NYAP2: variants seen among roughly 807,000 people sequenced by gnomAD.
NYAP2 encodes neuronal tyrosine-phosphorylated phosphoinositide-3-kinase adapter 2.
In NYAP2, 23 loss-of-function variants were observed where a neutral mutation model predicts 50.4. The observed-to-expected ratio is 0.46, with a 90% CI of 0.33 to 0.65. NYAP2 has a LOEUF of 0.65. NYAP2 is among the 30% of genes least tolerant of loss of function. NYAP2 has a pLI of 0.02. For missense variants in NYAP2, 885 were observed against 861.0 expected (o/e 1.03, Z -0.35); for synonymous variants, 394 against 365.2 (o/e 1.08, Z -0.90).
chr2:225,402,980 G>A (rs1295030682), intron 2 of NYAP2, among the ~76,000 whole-genome samples: 2 of 151,996 alleles, frequency 1.3e-5, no homozygotes, highest in African/African-American at 2.4e-5. Context: ...ATTTGCATAT[G>A]TATTTTACAT....
At chr2:225,480,207 G>A (rs1559191327) in intron 3 of NYAP2, among the ~76,000 whole-genome samples, 1 of 152,070 alleles carries the variant, frequency 6.6e-6, no homozygotes, top group Non-Finnish European at 1.5e-5. Flanking sequence ...ATTATTGAAT[G>A]TCTACTACAT....
intron 3 of NYAP2, among the ~76,000 whole-genome samples, chr2:225,426,153 A>T (rs968179413): frequency 6.7e-6 from 1 of 150,264 alleles, no homozygotes; most frequent in Admixed American, 6.6e-5. Flanking sequence ...TTTTTTTTTA[A>T]AAATTCTACT....
intron 3 of NYAP2, among the ~76,000 whole-genome samples, chr2:225,445,791 A>T (rs1689543295): frequency 6.6e-6 from 1 of 152,168 alleles, no homozygotes; most frequent in Non-Finnish European, 1.5e-5. Flanking sequence ...AGAAGAAATT[A>T]AATTCAAAAT....
chr2:225,522,963 T>C (rs1426759611), intron 4 of NYAP2, among the ~76,000 whole-genome samples: 2 of 152,164 alleles, frequency 1.3e-5, no homozygotes, highest in Non-Finnish European at 2.9e-5. Context: ...GAAGCCAGAA[T>C]TAGATTTTCT....
the NYAP2 span, among the ~76,000 whole-genome samples, chr2:225,665,451 G>C: frequency 1.3e-5 from 2 of 152,098 alleles, no homozygotes; most frequent in Middle Eastern, 6.8e-3. Context: ...TGTCCTGCTG[G>C]TCTTCTCAAT....
intron 3 of NYAP2, among the ~76,000 whole-genome samples, chr2:225,493,930 C>A (rs534037546): frequency 2.6e-4 from 39 of 152,238 alleles, no homozygotes; most frequent in South Asian, 6.2e-4. Flanking sequence ...TAAAAATATG[C>A]CCAATGACTT....
At chr2:225,578,291 G>A (rs1360849598) in intron 4 of NYAP2, among the ~76,000 whole-genome samples, 1 of 151,968 alleles carries the variant, frequency 6.6e-6, no homozygotes, top group Non-Finnish European at 1.5e-5. Flanking sequence ...AGGGGAAATT[G>A]CTTGAACTTT....
intron 3 of NYAP2, among the ~76,000 whole-genome samples, chr2:225,494,948 C>G (rs1186500688): frequency 6.6e-6 from 1 of 152,156 alleles, no homozygotes; most frequent in Non-Finnish European, 1.5e-5. Flanking sequence ...TATGTAAAAA[C>G]CAGTAATGCA....
At chr2:225,487,212 C>T (rs746195915) in intron 3 of NYAP2, among the ~76,000 whole-genome samples, 8 of 152,272 alleles carry the variant, frequency 5.3e-5, no homozygotes, top group Non-Finnish European at 1.0e-4. Flanking sequence ...GCTAGTATTT[C>T]GGCAGGAAGT....
At chr2:225,615,808 G>C (rs1220128329) in intron 5 of NYAP2, among the ~76,000 whole-genome samples, 1 of 152,158 alleles carries the variant, frequency 6.6e-6, no homozygotes, top group African/African-American at 2.4e-5. Context: ...GGGCCTTCTC[G>C]TTGACCTGCT....
chr2:225,672,260 T>C, the NYAP2 span, among the ~76,000 whole-genome samples: 1 of 152,126 alleles, frequency 6.6e-6, no homozygotes, highest in Admixed American at 6.5e-5. Flanking sequence ...TTATTTTAGC[T>C]AGATGTTCTG....
intron 4 of NYAP2, among the ~76,000 whole-genome samples, chr2:225,546,319 G>C (rs1427688716): frequency 6.6e-6 from 1 of 152,148 alleles, no homozygotes; most frequent in Non-Finnish European, 1.5e-5. Context: ...CCACACGGGA[G>C]CCAAAAACTG....
chr2:225,652,921 G>C (rs965770230), exon 7 of NYAP2: 15 of 152,054 alleles, frequency 9.9e-5, no homozygotes, highest in African/African-American at 3.6e-4. Context: ...GAAATGAGAG[G>C]CTTCTCTCAA....
the NYAP2 span, among the ~76,000 whole-genome samples, chr2:225,675,144 T>C: frequency 6.6e-6 from 1 of 152,130 alleles, no homozygotes; most frequent in African/African-American, 2.4e-5. Flanking sequence ...TTTTTAAAAA[T>C]TTCAACTTTT....
intron 5 of NYAP2, among the ~76,000 whole-genome samples, chr2:225,583,422 G>C (rs1692336084): frequency 6.6e-6 from 1 of 152,008 alleles, no homozygotes; most frequent in African/African-American, 2.4e-5. Context: ...CAATCTTAAC[G>C]TGCAAAATGT....
the NYAP2 span, among the ~76,000 whole-genome samples, chr2:225,686,753 C>A: frequency 6.6e-6 from 1 of 152,104 alleles, no homozygotes; most frequent in African/African-American, 2.4e-5. Flanking sequence ...ATGGAGCAGA[C>A]ATAGTGATTA....
chr2:225,406,272 A>G (rs904843216), intron 2 of NYAP2, among the ~76,000 whole-genome samples: 2 of 151,962 alleles, frequency 1.3e-5, no homozygotes, highest in African/African-American at 4.8e-5. Context: ...ACAAACTATT[A>G]TACTTTTTAC....
At chr2:225,416,657 G>A (rs1006625834) in intron 3 of NYAP2, among the ~76,000 whole-genome samples, 3 of 152,146 alleles carry the variant, frequency 2.0e-5, no homozygotes, top group African/African-American at 7.2e-5. Context: ...GCCTGTTAGG[G>A]TAAGCCTCCT....
chr2:225,466,759 T>C (rs1158192690), intron 3 of NYAP2, among the ~76,000 whole-genome samples: 3 of 152,196 alleles, frequency 2.0e-5, no homozygotes, highest in Non-Finnish European at 4.4e-5. Context: ...TGGAATCTTT[T>C]ATAATATTGA....
Sources: gnomAD v4.1 joint callset for allele counts (sites outside exome capture counted in the v4.1 genomes callset) on GRCh38, gnomAD v4.1.1 for gene constraint, MANE v1.5 for transcripts, NCBI Gene and HGNC (gene_info 2026-07-23, HGNC 2026-07-21) for gene names.